Variants in ADAM29 observed in about 807,000 individuals in gnomAD.
ADAM29 encodes disintegrin and metalloproteinase domain-containing protein 29.
For missense variants in ADAM29, 969 were observed against 1,001.8 expected (o/e 0.97, Z 0.44); for synonymous variants, 367 against 342.3 (o/e 1.07, Z -0.80).
Position 174,928,569 on chromosome 4 carries a change from T to TAAAAAAAAAAAA in ADAM29, c.-450-2416_-450-2405dup, listed in dbSNP as rs70947474. The stretch of plus-strand genomic sequence containing the variant: ...CTCTACAAATTCCCTGTCATGTGCT[T>TAAAAAAAAAAAA]AAAAAAAAAAAAGACACCAGCCAGA... On this transcript the variant is annotated intron_variant, in intron 2 of 4. Transcript: ENST00000359240. Among the ~76,000 whole-genome samples, 2 of 131,792 alleles carry TAAAAAAAAAAAA rather than the reference T, an allele frequency of 1.5e-5. 1 individual carries two copies. The highest frequency in any genetic ancestry group is 5.5e-5 in the African/African-American group (2 of 36,308). The allele number at this position is 131,792 out of a possible 152,430, so 86.5% of individuals were successfully genotyped here. A position where few individuals can be genotyped will look rare whatever the true frequency, so the allele number is the denominator to read the frequency against.
intron 4 of ADAM29, among the ~76,000 whole-genome samples, chr4:174,966,918 CTT>C (rs1246705402): frequency 6.6e-6 from 1 of 152,200 alleles, no homozygotes. Context: ...ATCACTTTCC[CTT>C]TCAGTTCAAA....
At chr4:174,928,326 C>T (rs758413155) in intron 2 of ADAM29, among the ~76,000 whole-genome samples, 3 of 151,886 alleles carry the variant, frequency 2.0e-5, no homozygotes, top group African/African-American at 4.8e-5. Flanking sequence ...GTGTCTTGAC[C>T]GCATCCTGGA....
At chr4:174,927,320 T>C (rs1239285467) in intron 2 of ADAM29, among the ~76,000 whole-genome samples, 3 of 152,212 alleles carry the variant, frequency 2.0e-5, no homozygotes, top group African/African-American at 7.2e-5. Context: ...GGTGCAATAG[T>C]AATTGTGTTT....
At chr4:174,948,502 T>C (rs1744980752) in intron 4 of ADAM29, among the ~76,000 whole-genome samples, 1 of 152,000 alleles carries the variant, frequency 6.6e-6, no homozygotes, top group African/African-American at 2.4e-5. Context: ...CCCAGCTTGT[T>C]TTTTGGCCCC....
intron 2 of ADAM29, among the ~76,000 whole-genome samples, chr4:174,921,121 G>A (rs1398387518): frequency 6.6e-6 from 1 of 152,018 alleles, no homozygotes; most frequent in Non-Finnish European, 1.5e-5. Flanking sequence ...ATTGTCACCA[G>A]AAAGTATAAA....
chr4:174,968,974 G>A (rs922694516), intron 4 of ADAM29, among the ~76,000 whole-genome samples: 5 of 150,340 alleles, frequency 3.3e-5, no homozygotes, highest in East Asian at 2.0e-4. Context: ...GTTGCTATTC[G>A]TGTTTTTGCA....
chr4:174,948,591 C>T (rs894883666), intron 4 of ADAM29, among the ~76,000 whole-genome samples: 3 of 152,184 alleles, frequency 2.0e-5, no homozygotes, highest in Non-Finnish European at 2.9e-5. Context: ...TTTCCAGGGG[C>T]TGCCAACCAA....
At chr4:174,935,941 G>T (rs577863772) in intron 3 of ADAM29, among the ~76,000 whole-genome samples, 1 of 152,008 alleles carries the variant, frequency 6.6e-6, no homozygotes, top group African/African-American at 2.4e-5. Context: ...AACATAAAAA[G>T]TATGCCTCAG....
At chr4:174,955,224 A>T (rs1745432748) in intron 4 of ADAM29, among the ~76,000 whole-genome samples, 1 of 152,080 alleles carries the variant, frequency 6.6e-6, no homozygotes, top group Admixed American at 6.6e-5. Flanking sequence ...AGCTGAATGT[A>T]TCAAATATCT....
chr4:174,953,271 G>T (rs1339597858), intron 4 of ADAM29, among the ~76,000 whole-genome samples: 1 of 152,034 alleles, frequency 6.6e-6, no homozygotes, highest in East Asian at 1.9e-4. Flanking sequence ...GGGCAACAGA[G>T]CAAGACTCTG....
intron 4 of ADAM29, among the ~76,000 whole-genome samples, chr4:174,968,199 A>T (rs1054165388): frequency 2.0e-5 from 3 of 152,146 alleles, no homozygotes; most frequent in African/African-American, 7.2e-5. Flanking sequence ...ACAATGAATT[A>T]CACTAGACAA....
intron 4 of ADAM29, among the ~76,000 whole-genome samples, chr4:174,963,891 G>A (rs148417696): frequency 0.067 from 10,240 of 151,868 alleles, 1,111 homozygotes; most frequent in African/African-American, 0.23. Flanking sequence ...GGCTGGTCTC[G>A]AACTCCTGAC....
intron 4 of ADAM29, among the ~76,000 whole-genome samples, chr4:174,947,328 T>C (rs1055915799): frequency 6.6e-6 from 1 of 152,148 alleles, no homozygotes; most frequent in African/African-American, 2.4e-5. Context: ...CTAGTTCCTC[T>C]AGATAACATG....
At chr4:174,942,172 G>A (rs1744577795) in intron 4 of ADAM29, among the ~76,000 whole-genome samples, 2 of 152,272 alleles carry the variant, frequency 1.3e-5, no homozygotes, top group South Asian at 4.1e-4. Flanking sequence ...TTCATGAGCT[G>A]GCATTGAGTG....
rs150759540 is a variant in ADAM29, at chr4:174,975,029, A to G, written c.-180-317A>G. 1.8e-3 allele frequency among the ~76,000 whole-genome samples: 272 copies of G among 152,300 alleles called. 2 individuals are homozygous for G. The highest frequency in any genetic ancestry group is 6.3e-3 in the African/African-American group (263 of 41,586). On this transcript the variant is annotated intron_variant, in intron 4 of 4. Coordinates refer to ENST00000359240, the MANE Select transcript of ADAM29 (RefSeq NM_014269.4). ...TATAAGTTCAGCTTACCCTTAAAAA[A>G]TTTTGTTTCAATTATTGTGGAAATA...
chr4:174,934,315 C>T, intron 3 of ADAM29, among the ~76,000 whole-genome samples: 1 of 151,870 alleles, frequency 6.6e-6, no homozygotes, highest in Non-Finnish European at 1.5e-5. Context: ...TTTGATATAC[C>T]AGCATTATTA....
At chr4:174,956,484 G>T (rs941968487) in intron 4 of ADAM29, among the ~76,000 whole-genome samples, 4 of 126,626 alleles carry the variant, frequency 3.2e-5, no homozygotes, top group African/African-American at 1.3e-4. Context: ...AGGTGTGTGT[G>T]TGTGTGTGTC....
At chr4:174,929,446 C>T (rs1353101999) in intron 2 of ADAM29, among the ~76,000 whole-genome samples, 2 of 152,012 alleles carry the variant, frequency 1.3e-5, no homozygotes, top group Admixed American at 6.5e-5. Flanking sequence ...TTTAGGCTAG[C>T]GGACGATTTG....
chr4:174,977,463 T>C lies in ADAM29; in HGVS notation c.1938T>C (p.Tyr646=). 6.2e-7 allele frequency: 1 copy of C among 1,614,090 alleles called. No homozygotes were observed. The highest frequency in any genetic ancestry group is 8.5e-7 in the Non-Finnish European group (1 of 1,179,984). The change falls in exon 5 of 5, where the codon TAT becomes TAC. Residue 646 remains tyrosine, a synonymous_variant. Coordinates refer to ENST00000359240, the MANE Select transcript of ADAM29 (RefSeq NM_014269.4). The part of the protein sequence containing the change: ...CNNKHHCHCN[Y]LWDPPNCLIK... ...ATAAACATCACTGCCATTGCAATTATCTGTGGGACCCTCCCAACTGCCTGA... is the reference window on the plus strand; with the variant it reads ...ATAAACATCACTGCCATTGCAATTACCTGTGGGACCCTCCCAACTGCCTGA...
Sources: allele counts gnomAD v4.1 joint callset (sites outside exome capture counted in the v4.1 genomes callset), GRCh38; gene constraint gnomAD v4.1.1; transcripts MANE v1.5; gene names NCBI Gene and HGNC (gene_info 2026-07-23, HGNC 2026-07-21).